The following TMED3 variants were observed in gnomAD, a reference collection of about 807,000 sequenced individuals.
TMED3 encodes transmembrane emp24 domain-containing protein 3.
TMED3 carries 9 observed loss-of-function variants against 15.0 expected under a neutral mutation model. The observed-to-expected ratio is 0.60, with a 90% CI of 0.36 to 1.04. The LOEUF (loss-of-function observed/expected upper bound fraction) is 1.04, where lower values mean the gene tolerates loss of function less well. Among genes scored for constraint, TMED3 ranks in the 50% least tolerant of loss-of-function variants. The pLI is 0.01. For synonymous variants in TMED3, 117 were observed against 121.4 expected, an observed-to-expected ratio of 0.96 and a Z score of 0.24; for missense variants, 267 against 278.9, an observed-to-expected ratio of 0.96 and a Z score of 0.30.
chr15:79,405,534 A>G (rs1018340137), intron 2 of TMED3, among the ~76,000 whole-genome samples: 1 of 152,216 alleles, frequency 6.6e-6, no homozygotes, highest in African/African-American at 2.4e-5. Flanking sequence ...GAACCCTACC[A>G]AACCTTAGTG....
intron 2 of TMED3, among the ~76,000 whole-genome samples, chr15:79,320,184 G>T (rs2058759994): frequency 6.6e-6 from 1 of 152,186 alleles, no homozygotes; most frequent in African/African-American, 2.4e-5. Context: ...CTAGACCAAG[G>T]AGCCCTCTGG....
rs141798981 is a variant in TMED3 at position 79,349,755 on chromosome 15, G to T, written c.417+35750G>T. Among the ~76,000 whole-genome samples, 59 of 152,238 alleles carry T rather than the reference G, an allele frequency of 3.9e-4. No homozygotes were observed. In the East Asian group the frequency reaches 0.011, roughly 28 times the overall value. On this transcript the variant is annotated intron_variant, in intron 2 of 2. Transcript: ENST00000424155. Reference sequence around the variant, plus strand: ...CTTCTTTCTGCTCCTAGAACAAGCCGCACTCATCCTTCCCTCAGGGCCAGG... The same window carrying T: ...CTTCTTTCTGCTCCTAGAACAAGCCTCACTCATCCTTCCCTCAGGGCCAGG...
intron 2 of TMED3, among the ~76,000 whole-genome samples, chr15:79,335,429 C>T (rs2058823847): frequency 6.6e-6 from 1 of 152,214 alleles, no homozygotes; most frequent in South Asian, 2.1e-4. Flanking sequence ...CCCTGGAATA[C>T]TGTCCTCAGG....
chr15:79,353,241 A>G lies in TMED3; in HGVS notation c.417+39236A>G, dbSNP rs1308808544. ...ATATTATACATAATATATAAAATATATATACTATATATAATATATATTATA... is the reference window on the plus strand; with the variant it reads ...ATATTATACATAATATATAAAATATGTATACTATATATAATATATATTATA... On this transcript the variant is annotated intron_variant, in intron 2 of 2. Coordinates refer to the TMED3 transcript ENST00000424155. 5.7e-3 allele frequency among the ~76,000 whole-genome samples: 390 copies of G among 68,338 alleles called. 10 individuals are homozygous for G. Among genetic ancestry groups the G allele is most frequent in the African/African-American group, 0.025 (378 of 15,282 alleles). The allele number at this position is 68,338 out of a possible 152,430, so 44.8% of individuals were successfully genotyped here.
chr15:79,316,034 T>C (rs2058739042), intron 2 of TMED3: 1 of 152,248 alleles, frequency 6.6e-6, no homozygotes, highest in Admixed American at 6.5e-5. Context: ...GTGAGATTTA[T>C]GGAGTGTAAC....
intron 2 of TMED3, among the ~76,000 whole-genome samples, chr15:79,342,818 G>A (rs1034085214): frequency 1.3e-5 from 2 of 152,146 alleles, no homozygotes; most frequent in African/African-American, 4.8e-5. Flanking sequence ...AAAACACAAA[G>A]TTCCTGCCTT....
intron 2 of TMED3, among the ~76,000 whole-genome samples, chr15:79,336,063 T>C (rs1379522828): frequency 1.3e-5 from 2 of 152,334 alleles, no homozygotes; most frequent in East Asian, 3.9e-4. Flanking sequence ...CAAGAGGCCC[T>C]GAAAACTAAG....
chr15:79,361,256 T>C (rs898285460), intron 2 of TMED3, among the ~76,000 whole-genome samples: 1 of 152,248 alleles, frequency 6.6e-6, no homozygotes, highest in Non-Finnish European at 1.5e-5. Context: ...TAGGTTTCGG[T>C]AGCCTAAGTT....
chr15:79,337,303 C>T (rs549099006), intron 2 of TMED3, among the ~76,000 whole-genome samples: 17 of 152,238 alleles, frequency 1.1e-4, no homozygotes, highest in Non-Finnish European at 2.4e-4. Flanking sequence ...CCTAATTTCC[C>T]CTTTATATAA....
chr15:79,400,189 C>T (rs1325459972), intron 2 of TMED3, among the ~76,000 whole-genome samples: 1 of 152,210 alleles, frequency 6.6e-6, no homozygotes, highest in Non-Finnish European at 1.5e-5. Flanking sequence ...TGTCACTCCT[C>T]ACAGCACTGG....
chr15:79,368,637 G>A (rs944295321), intron 2 of TMED3, among the ~76,000 whole-genome samples: 8 of 152,150 alleles, frequency 5.3e-5, no homozygotes, highest in African/African-American at 1.9e-4. Flanking sequence ...AGAAAACTAG[G>A]TGAGGCCAAA....
chr15:79,412,100 CG>C (rs545979765), exon 3 of TMED3: 73 of 142,276 alleles, frequency 5.1e-4, no homozygotes, highest in African/African-American at 1.7e-3. Context: ...AGCTGTGATG[CG>C]GGCCCCCAGG....
At chr15:79,363,850 G>A (rs1035209322) in intron 2 of TMED3, among the ~76,000 whole-genome samples, 3 of 152,166 alleles carry the variant, frequency 2.0e-5, no homozygotes, top group South Asian at 2.1e-4. Flanking sequence ...GACAAAGTAC[G>A]GCCTTTACTA....
intron 2 of TMED3, among the ~76,000 whole-genome samples, chr15:79,386,118 C>G (rs1893623517): frequency 6.6e-6 from 1 of 152,124 alleles, no homozygotes; most frequent in South Asian, 2.1e-4. Flanking sequence ...CCTGTATTTT[C>G]CAAGGGCTGG....
intron 2 of TMED3, among the ~76,000 whole-genome samples, chr15:79,366,441 G>A (rs1275453783): frequency 4.6e-5 from 7 of 152,168 alleles, no homozygotes; most frequent in South Asian, 2.1e-4. Flanking sequence ...CCGCTCATCC[G>A]CAACATTTAG....
rs187426357 is a variant in TMED3 at position 79,311,164 on chromosome 15, C to T, written c.-86C>T. ...TGCCACGTCTATCCCCTTACATCCTCCTAGGACCCGGTCGGTAGTCGTCGC... is the reference window on the plus strand; with the variant it reads ...TGCCACGTCTATCCCCTTACATCCTTCTAGGACCCGGTCGGTAGTCGTCGC... On this transcript the variant is annotated 5_prime_UTR_variant, in exon 1 of 3. Coordinates refer to ENST00000299705, the MANE Select transcript of TMED3 (RefSeq NM_007364.4). The T allele has an allele frequency of 6.6e-3, 9,540 of 1,449,818 alleles. 59 individuals carry two copies. The highest frequency in any genetic ancestry group is 7.8e-3 in the Non-Finnish European group (8,525 of 1,090,308). The allele number at this position is 1,449,818 out of a possible 1,614,324, so 89.8% of individuals were successfully genotyped here.
At chr15:79,377,295 TGTGAGA>T (rs1305250398) in intron 2 of TMED3, among the ~76,000 whole-genome samples, 4 of 134,128 alleles carry the variant, frequency 3.0e-5, no homozygotes, top group Non-Finnish European at 3.2e-5. Flanking sequence ...TGTGTGTGTG[TGTGAGA>T]GAGAGAGAGA....
intron 2 of TMED3, among the ~76,000 whole-genome samples, chr15:79,347,922 G>C (rs1231447653): frequency 1.3e-5 from 2 of 152,038 alleles, no homozygotes; most frequent in African/African-American, 2.4e-5. Context: ...ACCCAAAAAA[G>C]CATATCATTT....
intron 2 of TMED3, among the ~76,000 whole-genome samples, chr15:79,352,464 C>G (rs557068137): frequency 6.6e-6 from 1 of 152,066 alleles, no homozygotes; most frequent in East Asian, 1.9e-4. Context: ...AGGATGTCAA[C>G]AGGATTTCAG....
Sources: allele counts gnomAD v4.1 joint callset (sites outside exome capture counted in the v4.1 genomes callset), GRCh38; gene constraint gnomAD v4.1.1; transcripts MANE v1.5; gene names NCBI Gene and HGNC (gene_info 2026-07-23, HGNC 2026-07-21).